GLRA2: variants seen among roughly 807,000 people sequenced by gnomAD.
GLRA2 encodes glycine receptor subunit alpha-2.
In GLRA2, 11 loss-of-function variants were observed where a neutral mutation model predicts 31.6. The observed-to-expected ratio is 0.35, with a 90% CI of 0.22 to 0.58. The LOEUF is 0.58. Ranked by LOEUF, GLRA2 falls within the 20% of genes least tolerant of loss-of-function variation. GLRA2 has a pLI of 0.84. For synonymous variants in GLRA2, 132 were observed against 134.0 expected (o/e 0.99, Z 0.10); for missense variants, 212 against 351.8 (o/e 0.60, Z 3.18).
chrX:14,457,697 T>A, the GLRA2 span, among the ~76,000 whole-genome samples: 1 of 110,962 alleles, frequency 9.0e-6, no homozygotes, highest in African/African-American at 3.3e-5. Flanking sequence ...TGATTTATAA[T>A]CCTTTGGGTA....
At chrX:14,518,748 T>G in the GLRA2 span, among the ~76,000 whole-genome samples, 2 of 108,978 alleles carry the variant, frequency 1.8e-5, no homozygotes, top group Non-Finnish European at 3.8e-5. Flanking sequence ...CGGTGGCTCA[T>G]GCCTGTAATC....
chrX:14,464,516 C>A, the GLRA2 span, among the ~76,000 whole-genome samples: 1 of 109,842 alleles, frequency 9.1e-6, no homozygotes, highest in Non-Finnish European at 1.9e-5. Flanking sequence ...TTTCAGGGTT[C>A]TCTATTCTGT....
intron 7 of GLRA2, among the ~76,000 whole-genome samples, chrX:14,648,550 A>G (rs1310239692): frequency 8.9e-6 from 1 of 112,025 alleles, no homozygotes; most frequent in Non-Finnish European, 1.9e-5. Flanking sequence ...ACATTTAAGA[A>G]AATGCAAAAG....
At chrX:14,542,630 A>G (rs1247105404) in intron 2 of GLRA2, among the ~76,000 whole-genome samples, 1 of 98,609 alleles carries the variant, frequency 1.0e-5, no homozygotes, top group Non-Finnish European at 2.2e-5. Flanking sequence ...GCTAGAGAAG[A>G]AAAAAAAAAA....
chrX:14,700,474 G>C (rs914672560), intron 8 of GLRA2, among the ~76,000 whole-genome samples: 2 of 111,493 alleles, frequency 1.8e-5, no homozygotes, highest in Admixed American at 9.5e-5. Flanking sequence ...GAGAAGGTCA[G>C]ACGGCTATGT....
intron 2 of GLRA2, among the ~76,000 whole-genome samples, chrX:14,533,748 C>G (rs1395122566): frequency 1.8e-5 from 2 of 110,712 alleles, no homozygotes. Context: ...GGAGATGAAA[C>G]AGTTTAGGTG....
At chrX:14,701,605 A>G (rs965845782) in intron 8 of GLRA2, among the ~76,000 whole-genome samples, 17 of 111,777 alleles carry the variant, frequency 1.5e-4, no homozygotes, top group African/African-American at 5.2e-4. Context: ...TACTGTAAAG[A>G]AGAGATGAGA....
At chrX:14,494,082 A>G in the GLRA2 span, among the ~76,000 whole-genome samples, 4 of 111,413 alleles carry the variant, frequency 3.6e-5, no homozygotes, top group Non-Finnish European at 7.5e-5. Context: ...ATGAAAGTGT[A>G]CATACTAAAT....
the GLRA2 span, among the ~76,000 whole-genome samples, chrX:14,461,676 CT>C: frequency 8.1e-5 from 9 of 111,520 alleles, no homozygotes; most frequent in African/African-American, 2.6e-4. Context: ...GCAACCTCTG[CT>C]TTTTTGTGCT....
chrX:14,721,053 G>A (rs1234852994), intron 8 of GLRA2, among the ~76,000 whole-genome samples: 2 of 106,766 alleles, frequency 1.9e-5, no homozygotes, highest in Non-Finnish European at 3.8e-5. Context: ...CTGGGTAGTC[G>A]AGGCTGCAGT....
At chrX:14,506,753 C>T in the GLRA2 span, among the ~76,000 whole-genome samples, 1 of 111,447 alleles carries the variant, frequency 9.0e-6, no homozygotes, top group Non-Finnish European at 1.9e-5. Context: ...TTTGGTCTCC[C>T]AGAGGATGAA....
intron 7 of GLRA2, among the ~76,000 whole-genome samples, chrX:14,661,516 A>C: frequency 8.9e-6 from 1 of 112,061 alleles, no homozygotes; most frequent in Non-Finnish European, 1.9e-5. Context: ...TAGCTGACAG[A>C]CTAAGACAAG....
At chrX:14,574,541 A>G in intron 3 of GLRA2, 141 bp downstream of exon 3, 1 of 1,197,540 alleles carries the variant, frequency 8.4e-7, no homozygotes, top group Non-Finnish European at 1.1e-6. Flanking sequence ...GCTTTGGGTC[A>G]ATAGCAGAAA....
the GLRA2 span, among the ~76,000 whole-genome samples, chrX:14,482,437 G>A: frequency 1.8e-5 from 2 of 110,863 alleles, no homozygotes; most frequent in African/African-American, 6.6e-5. Flanking sequence ...AGGAAGTGGA[G>A]GGTGGGGAAA....
chrX:14,591,193 A>G (rs1236479779), intron 4 of GLRA2, among the ~76,000 whole-genome samples: 1 of 111,985 alleles, frequency 8.9e-6, no homozygotes, highest in Non-Finnish European at 1.9e-5. Flanking sequence ...AGAGGGACAG[A>G]ACTACAAGTT....
chrX:14,501,175 C>T, the GLRA2 span, among the ~76,000 whole-genome samples: 1 of 110,572 alleles, frequency 9.0e-6, no homozygotes, highest in Non-Finnish European at 1.9e-5. Flanking sequence ...CCCACCATGA[C>T]ACAGTAATGA....
the GLRA2 span, among the ~76,000 whole-genome samples, chrX:14,493,640 CATATATAT>C: frequency 5.5e-5 from 5 of 90,387 alleles, no homozygotes; most frequent in African/African-American, 2.6e-4. Flanking sequence ...TACATATATA[CATATATAT>C]ACATATGTAC....
the GLRA2 span, among the ~76,000 whole-genome samples, chrX:14,471,679 C>T: frequency 3.6e-5 from 4 of 112,002 alleles, no homozygotes; most frequent in Non-Finnish European, 5.6e-5. Flanking sequence ...ATTTGCACAG[C>T]GAATAAGTGG....
chrX:14,649,968 T>G (rs2090871531), intron 7 of GLRA2, among the ~76,000 whole-genome samples: 1 of 112,142 alleles, frequency 8.9e-6, no homozygotes, highest in Non-Finnish European at 1.9e-5. Flanking sequence ...AGTTACAGAT[T>G]CATATGACAA....
Sources: allele counts gnomAD v4.1 joint callset (sites outside exome capture counted in the v4.1 genomes callset), GRCh38; gene constraint gnomAD v4.1.1; transcripts MANE v1.5; gene names NCBI Gene and HGNC (gene_info 2026-07-23, HGNC 2026-07-21).